The following STK3 variants were observed in gnomAD, a reference collection of about 807,000 sequenced individuals.
STK3 encodes serine/threonine-protein kinase 3.
Under a neutral mutation model 58.0 loss-of-function variants are expected in STK3, and 41 were observed. The observed-to-expected ratio is 0.71, with a 90% confidence interval of 0.55 to 0.92. STK3 has a LOEUF of 0.92. STK3 is among the 40% of genes least tolerant of loss of function. STK3 has a pLI of 0.00. For synonymous variants in STK3, 170 were observed against 191.0 expected (o/e 0.89, Z 0.91); for missense variants, 479 against 602.7 (o/e 0.79, Z 2.15).
chr8:98,901,014 A>G (rs898975160), intron 1 of STK3, among the ~76,000 whole-genome samples: 7 of 152,204 alleles, frequency 4.6e-5, no homozygotes, highest in African/African-American at 1.7e-4. Context: ...TATGAATATC[A>G]TAAATAATAT....
At chr8:98,648,131 T>A (rs1480922212) in intron 6 of STK3, among the ~76,000 whole-genome samples, 1 of 152,204 alleles carries the variant, frequency 6.6e-6, no homozygotes, top group Non-Finnish European at 1.5e-5. Context: ...CTCCATACCT[T>A]CTTCTCCATC....
chr8:98,755,620 AAAAG>A, intron 3 of STK3, among the ~76,000 whole-genome samples: 1 of 152,224 alleles, frequency 6.6e-6, no homozygotes, highest in Non-Finnish European at 1.5e-5. Flanking sequence ...CACAGATTGG[AAAAG>A]AAAGAAATGC....
intron 1 of STK3, among the ~76,000 whole-genome samples, chr8:98,814,814 G>A (rs1415662327): frequency 6.6e-6 from 1 of 152,136 alleles, no homozygotes; most frequent in African/African-American, 2.4e-5. Flanking sequence ...CCTCCTGGCT[G>A]TGACCACAGG....
At chr8:98,738,907 C>T (rs1416050513) in intron 4 of STK3, among the ~76,000 whole-genome samples, 1 of 152,230 alleles carries the variant, frequency 6.6e-6, no homozygotes, top group Non-Finnish European at 1.5e-5. Context: ...GCTTTTCCGA[C>T]GCGCTTAAAA....
At chr8:98,744,016 C>A (rs2131329672) in intron 4 of STK3, among the ~76,000 whole-genome samples, 1 of 152,048 alleles carries the variant, frequency 6.6e-6, no homozygotes. Context: ...AAATGCAAAT[C>A]AAAACCACAA....
In STK3 at chr8:98,499,126, T is replaced by C. The variant is rs77907373; in HGVS notation, c.1317+27616A>G. 4.6e-5 allele frequency among the ~76,000 whole-genome samples: 7 copies of C among 152,278 alleles called. No homozygotes were observed. In the East Asian group the frequency reaches 1.4e-3, roughly 29 times the overall value. On this transcript the variant is annotated intron_variant, in intron 10 of 10. Coordinates refer to ENST00000419617, the MANE Select transcript of STK3 (RefSeq NM_006281.4). ...TCAGAGGGAAAAGATGCTACACTGC[T>C]GGCTTTGAAAATGGAGAAAAGGGCT...
chr8:98,404,199 A>G (rs1365907525), intron 3 of STK3, among the ~76,000 whole-genome samples: 1 of 152,174 alleles, frequency 6.6e-6, no homozygotes, highest in East Asian at 1.9e-4. Flanking sequence ...TCAGAGTTCT[A>G]TTCTAGCATC....
intron 1 of STK3, among the ~76,000 whole-genome samples, chr8:98,919,387 G>A (rs1032595642): frequency 1.3e-5 from 2 of 152,156 alleles, no homozygotes; most frequent in Non-Finnish European, 2.9e-5. Flanking sequence ...AGAGTTCAGA[G>A]ATAGGACACA....
chr8:98,729,050 C>T lies in STK3; in HGVS notation c.351+20226G>A, dbSNP rs187821766. ...TCTAAGGGCACTTGGATAAAATATG[C>T]TAGTATATTTTGAATAGCCACTGCT... On this transcript the variant is annotated intron_variant, in intron 4 of 10. Transcript: ENST00000419617. Among the ~76,000 whole-genome samples the T allele has an allele frequency of 3.3e-3, 497 of 152,146 alleles. 2 individuals carry two copies. The highest frequency in any genetic ancestry group is 0.011 in the African/African-American group (474 of 41,530).
intron 6 of STK3, among the ~76,000 whole-genome samples, chr8:98,703,568 A>G (rs779225075): frequency 1.3e-5 from 2 of 152,178 alleles, no homozygotes; most frequent in Non-Finnish European, 2.9e-5. Flanking sequence ...TGCAGCAAGC[A>G]TGGAGAACAC....
At chr8:98,843,351 A>G (rs558658084) in intron 3 of STK3, among the ~76,000 whole-genome samples, 1 of 152,338 alleles carries the variant, frequency 6.6e-6, no homozygotes, top group Admixed American at 6.5e-5. Context: ...AGCAATTCCA[A>G]ATTTAGGATT....
downstream of STK3, among the ~76,000 whole-genome samples, chr8:98,396,963 CCACCT>C (rs1817902424): frequency 6.6e-6 from 1 of 152,192 alleles, no homozygotes; most frequent in Admixed American, 6.5e-5. Flanking sequence ...ATCCTTGAAG[CCACCT>C]CACTATTGTG....
At chr8:98,809,405 G>C (rs1834083828) in intron 1 of STK3, among the ~76,000 whole-genome samples, 1 of 152,190 alleles carries the variant, frequency 6.6e-6, no homozygotes, top group Non-Finnish European at 1.5e-5. Context: ...GAGCTGTAGG[G>C]AGAAAACCCC....
In STK3 at chr8:98,500,817, C is replaced by T. The variant is rs114986978; in HGVS notation, c.1317+25925G>A. ...TGTAATCCAGTCTATCAGTGATGGA[C>T]GTTTGGGTTGGTTCCAAGCTTTTGC... is the stretch of plus-strand genomic sequence containing the variant. On this transcript the variant is annotated intron_variant, in intron 10 of 10. Transcript: ENST00000419617. 8.5e-3 allele frequency among the ~76,000 whole-genome samples: 1,287 copies of T among 152,196 alleles called. 19 individuals carry two copies. Among genetic ancestry groups the T allele is most frequent in the African/African-American group, 0.03 (1,240 of 41,518 alleles).
chr8:98,829,432 A>G (rs565495923), upstream of STK3, among the ~76,000 whole-genome samples: 1 of 152,352 alleles, frequency 6.6e-6, no homozygotes, highest in East Asian at 1.9e-4. Flanking sequence ...TTGTGGAAGT[A>G]GGAGGAATAC....
chr8:98,710,659 G>A (rs1028497748), intron 4 of STK3, among the ~76,000 whole-genome samples: 1 of 152,258 alleles, frequency 6.6e-6, no homozygotes, highest in African/African-American at 2.4e-5. Flanking sequence ...CAAACTGGGT[G>A]CAGCCCACCA....
At chr8:98,587,125 C>T (rs1345337877) in intron 7 of STK3, among the ~76,000 whole-genome samples, 1 of 151,894 alleles carries the variant, frequency 6.6e-6, no homozygotes, top group African/African-American at 2.4e-5. Flanking sequence ...TTAGTTATTT[C>T]TTGCCTTCTG....
chr8:98,908,520 T>C (rs1183694779), intron 1 of STK3, among the ~76,000 whole-genome samples: 1 of 152,096 alleles, frequency 6.6e-6, no homozygotes, highest in Non-Finnish European at 1.5e-5. Context: ...ACCATTGCAC[T>C]CCATCCTGGG....
At chr8:98,579,395 T>A (rs1813675807) in intron 8 of STK3, among the ~76,000 whole-genome samples, 1 of 152,112 alleles carries the variant, frequency 6.6e-6, no homozygotes, top group African/African-American at 2.4e-5. Flanking sequence ...AAGACAATAT[T>A]TATTTAACAA....
Sources: allele counts gnomAD v4.1 joint callset (sites outside exome capture counted in the v4.1 genomes callset), GRCh38; gene constraint gnomAD v4.1.1; transcripts MANE v1.5; gene names NCBI Gene and HGNC (gene_info 2026-07-23, HGNC 2026-07-21).